HMGA1: variants seen among roughly 807,000 people sequenced by gnomAD.
HMGA1 encodes the protein high mobility group AT-hook 1.
In HMGA1, 1 loss-of-function variant was observed where a neutral mutation model predicts 15.1. The ratio of observed to expected loss-of-function variants is 0.07; its 90% CI spans 0.02 to 0.31. HMGA1 has a LOEUF of 0.31. HMGA1 is among the 10% of genes least tolerant of loss of function. The pLI is 1.00. For synonymous variants in HMGA1, 56 were observed against 54.8 expected (o/e 1.02, Z -0.10); for missense variants, 94 against 141.4 (o/e 0.66, Z 1.70).
Position 34,245,425 on chromosome 6 carries a change from C to A in HMGA1, c.*541C>A. On this transcript the variant is annotated 3_prime_UTR_variant, in exon 6 of 6. Coordinates refer to ENST00000311487, the MANE Select transcript of HMGA1 (RefSeq NM_145899.3). ...GGGGGGTGCTGGCCCCCAGGATTCCCCCAGCCAAACTGTCTTTGTCACCAC... is the reference window on the plus strand; with the variant it reads ...GGGGGGTGCTGGCCCCCAGGATTCCACCAGCCAAACTGTCTTTGTCACCAC... 1 of 1,364,372 alleles carries A rather than the reference C, an allele frequency of 7.3e-7. No individual in the cohort carries two copies. Among genetic ancestry groups the A allele is most frequent in the Non-Finnish European group, 9.7e-7 (1 of 1,034,114 alleles). 84.5% of individuals were successfully genotyped at this position (1,364,372 alleles called of 1,614,324 possible).
rs550359013 is a variant in HMGA1 at position 34,243,892 on chromosome 6, A to G, written c.270+374A>G. On this transcript the variant is annotated intron_variant, in intron 5 of 5. Transcript: ENST00000311487. ...CATAGGGGGAAGGTTTGTCCTTCCT[A>G]TGAGCCTCTGCAGAAGAGAAACAGC... Among the ~76,000 whole-genome samples, 18 of 152,220 alleles carry G rather than the reference A, an allele frequency of 1.2e-4. No homozygotes were observed. The East Asian group carries it at 2.1e-3, about 18-fold the overall frequency.
rs3197257 is a variant in HMGA1 at position 34,246,134 on chromosome 6, C to G, written c.*1250C>G. Reference sequence around the variant, plus strand: ...GTAGGGGCCACCTCCTCCCCCTGTTCTGTTGGGGAGGGGTAGCCATGATTT... The same window carrying G: ...GTAGGGGCCACCTCCTCCCCCTGTTGTGTTGGGGAGGGGTAGCCATGATTT... On this transcript the variant is annotated 3_prime_UTR_variant, in exon 6 of 6. Coordinates refer to ENST00000311487, the MANE Select transcript of HMGA1 (RefSeq NM_145899.3). The G allele has an allele frequency of 4.1e-6, 1 of 243,156 alleles. No individual in the cohort carries two copies. The highest frequency in any genetic ancestry group is 8.1e-6 in the Non-Finnish European group (1 of 124,034). 15.1% of individuals were successfully genotyped at this position (243,156 alleles called of 1,614,324 possible).
chr6:34,240,999 T>A (rs1227616222), intron 3 of HMGA1, 84 bp downstream of exon 3: 6 of 1,479,876 alleles, frequency 4.1e-6, no homozygotes, highest in Middle Eastern at 1.8e-4. Context: ...GGCGAGACCA[T>A]GCATGGAGGG....
At chr6:34,243,541 G>C (rs200001224) in intron 5 of HMGA1, 23 bp downstream of exon 5, 746 of 1,570,220 alleles carry the variant, frequency 4.8e-4, no homozygotes, top group Non-Finnish European at 6.0e-4. Flanking sequence ...GCAGACTGCT[G>C]CTTGCCTCCT....
chr6:34,239,410 A>G (rs1762114349), intron 2 of HMGA1, among the ~76,000 whole-genome samples: 1 of 152,174 alleles, frequency 6.6e-6, no homozygotes, highest in Non-Finnish European at 1.5e-5. Context: ...CACCTGGCCC[A>G]TAAATCATTT....
intron 2 of HMGA1, chr6:34,238,947 C>G (rs945784980): frequency 6.6e-6 from 1 of 152,128 alleles, no homozygotes; most frequent in African/African-American, 2.4e-5. Context: ...CCCAGGCAGA[C>G]CTTATATGAG....
At chr6:34,239,171 C>T (rs747415343) in intron 2 of HMGA1, among the ~76,000 whole-genome samples, 2 of 152,162 alleles carry the variant, frequency 1.3e-5, no homozygotes, top group Admixed American at 1.3e-4. Context: ...TCTGGAGGGT[C>T]TCTTGATGCT....
intron 4 of HMGA1, 136 bp from the exon 5 acceptor site, chr6:34,243,332 A>G (rs979326084): frequency 5.6e-5 from 41 of 728,594 alleles, no homozygotes; most frequent in Non-Finnish European, 9.1e-5. Context: ...TGCCAGCTGG[A>G]CTTGGGTGGG....
intron 5 of HMGA1, 149 bp from the exon 6 acceptor site, chr6:34,244,682 G>T (rs930091045): frequency 8.4e-6 from 6 of 713,312 alleles, no homozygotes; most frequent in East Asian, 2.7e-5. Flanking sequence ...AAGCCGGGCC[G>T]TGGAGGTTGC....
intron 2 of HMGA1, among the ~76,000 whole-genome samples, chr6:34,237,543 C>T (rs1761879237): frequency 1.4e-5 from 2 of 144,706 alleles, no homozygotes; most frequent in Admixed American, 6.8e-5. Context: ...TCCCCCGCGC[C>T]GCGGGCGCCC....
chr6:34,240,734 C>T lies in HMGA1; in HGVS notation c.-44-3C>T, dbSNP rs1409817120. The T allele has an allele frequency of 1.2e-6, 2 of 1,610,140 alleles. No homozygotes were observed. Among genetic ancestry groups the T allele is most frequent in the Admixed American group, 1.7e-5 (1 of 59,996 alleles). On this transcript the variant is annotated splice_polypyrimidine_tract_variant and splice_region_variant and intron_variant, in intron 2 of 5. Coordinates refer to ENST00000311487, the MANE Select transcript of HMGA1 (RefSeq NM_145899.3). ...TGTCTAAAAGCACTTTTCTGTCTCCCAGCATCCCAGCCATCACTCTTCCAC... is the reference window on the plus strand; with the variant it reads ...TGTCTAAAAGCACTTTTCTGTCTCCTAGCATCCCAGCCATCACTCTTCCAC...
rs1762250450 is a variant in HMGA1, at chr6:34,240,923, T to A, written c.135+8T>A. 1 of 1,613,460 alleles carries A rather than the reference T, an allele frequency of 6.2e-7. No individual in the cohort carries two copies. The highest frequency in any genetic ancestry group is 8.5e-7 in the Non-Finnish European group (1 of 1,179,670). The stretch of plus-strand genomic sequence containing the variant: ...GCGCTGGTAGGGAGTCAGGTGGGTG[T>A]CCAAACCTTTGCTTCACTTGGTTTA... On this transcript the variant is annotated splice_region_variant and intron_variant, in intron 3 of 5. Transcript: ENST00000311487.
At chr6:34,237,490 GGGCGGCGGGGCCC>G (rs1193601111) in intron 2 of HMGA1, among the ~76,000 whole-genome samples, 173 bp downstream of exon 2, 2 of 144,286 alleles carry the variant, frequency 1.4e-5, no homozygotes, top group Non-Finnish European at 3.1e-5. Flanking sequence ...GCGCGGGGGC[GGGCGGCGGGGCCC>G]GGCGGCGCGG....
At chr6:34,243,572 T>A (rs1581808382) in intron 5 of HMGA1, 54 bp downstream of exon 5, 2 of 1,404,610 alleles carry the variant, frequency 1.4e-6, no homozygotes, top group East Asian at 2.3e-5. Context: ...GAGTTGAGGG[T>A]GTTGAGTACA....
chr6:34,241,744 G>C (rs1762327243), intron 3 of HMGA1, among the ~76,000 whole-genome samples: 1 of 152,220 alleles, frequency 6.6e-6, no homozygotes, highest in Admixed American at 6.5e-5. Flanking sequence ...CCTTCCCTGG[G>C]AGAGAGGTAA....
At chr6:34,238,056 G>A (rs1761958419) in intron 2 of HMGA1, among the ~76,000 whole-genome samples, 2 of 152,156 alleles carry the variant, frequency 1.3e-5, no homozygotes, top group African/African-American at 2.4e-5. Context: ...ATTTTCTTCT[G>A]GGGCTTTATT....
In HMGA1 at chr6:34,245,186, C is replaced by T. The variant is rs1258057250; in HGVS notation, c.*302C>T. ...AGGCTAACATCCCACTTAGCCGCAC[C>T]CTGCACCTGCTGCGTCCCCACTCCC... On this transcript the variant is annotated 3_prime_UTR_variant, in exon 6 of 6. Coordinates refer to ENST00000311487, the MANE Select transcript of HMGA1 (RefSeq NM_145899.3). 7.0e-7 allele frequency: 1 copy of T among 1,430,714 alleles called. No homozygotes were observed. The highest frequency in any genetic ancestry group is 9.3e-7 in the Non-Finnish European group (1 of 1,079,440). The allele number at this position is 1,430,714 out of a possible 1,614,324, so 88.6% of individuals were successfully genotyped here. A position where few individuals can be genotyped will look rare whatever the true frequency, so the allele number is the denominator to read the frequency against.
chr6:34,238,030 T>C (rs1325662172), intron 2 of HMGA1, among the ~76,000 whole-genome samples: 3 of 152,042 alleles, frequency 2.0e-5, no homozygotes, highest in Non-Finnish European at 4.4e-5. Context: ...TCCCTTTGAC[T>C]CCCCGTTTCT....
At position 34,236,892 on chromosome 6, in the gene HMGA1, C is replaced by G. The variant is rs986866208; in HGVS notation, c.-230C>G. On this transcript the variant is annotated 5_prime_UTR_variant, in exon 1 of 6. Coordinates refer to ENST00000311487, the MANE Select transcript of HMGA1 (RefSeq NM_145899.3). Reference sequence around the variant, plus strand: ...GTCGCTCTTTTTAAGCTCCCCTGAGCCGGTGCTGCGCTCCTCTAATTGGGA... The same window carrying G: ...GTCGCTCTTTTTAAGCTCCCCTGAGGCGGTGCTGCGCTCCTCTAATTGGGA... 3 of 152,580 alleles carry G rather than the reference C, an allele frequency of 2.0e-5. No homozygotes were observed. Among genetic ancestry groups the G allele is most frequent in the South Asian group, 4.1e-4 (2 of 4,832 alleles). The allele number at this position is 152,580 out of a possible 1,614,324, so 9.5% of individuals were successfully genotyped here. A position where few individuals can be genotyped will look rare whatever the true frequency, so the allele number is the denominator to read the frequency against.
Sources: allele counts gnomAD v4.1 joint callset (sites outside exome capture counted in the v4.1 genomes callset), GRCh38; gene constraint gnomAD v4.1.1; transcripts MANE v1.5; gene names NCBI Gene and HGNC (gene_info 2026-07-23, HGNC 2026-07-21).